GALNT18: variants seen among roughly 807,000 people sequenced by gnomAD.
GALNT18 encodes the protein polypeptide N-acetylgalactosaminyltransferase 18, also known as GalNAc-transferase 18.
A neutral mutation model predicts 69.5 loss-of-function variants in GALNT18; 44 were observed. The observed-to-expected ratio is 0.63, with a 90% CI of 0.50 to 0.81. The LOEUF is 0.81. Among genes scored for constraint, GALNT18 ranks in the 40% least tolerant of loss-of-function variants. The pLI, the probability that GALNT18 is intolerant of heterozygous loss-of-function variation, is 0.00. For synonymous variants in GALNT18, 364 were observed against 318.2 expected (o/e 1.14, Z -1.53); for missense variants, 715 against 810.0 (o/e 0.88, Z 1.42).
chr11:11,278,395 A>C (rs577403923), intron 10 of GALNT18, among the ~76,000 whole-genome samples: 1 of 151,736 alleles, frequency 6.6e-6, no homozygotes, highest in Admixed American at 6.6e-5. Flanking sequence ...GGATAGCGTT[A>C]GGAGAAATAC....
At chr11:11,363,637 A>T (rs1035173687) in intron 6 of GALNT18, among the ~76,000 whole-genome samples, 1 of 152,220 alleles carries the variant, frequency 6.6e-6, no homozygotes, top group East Asian at 1.9e-4. Flanking sequence ...AATGAGAAAG[A>T]TCATCATGAA....
At chr11:11,391,984 A>G (rs1351423851) in intron 3 of GALNT18, among the ~76,000 whole-genome samples, 2 of 152,252 alleles carry the variant, frequency 1.3e-5, no homozygotes, top group Non-Finnish European at 2.9e-5. Context: ...CATTGCAAGA[A>G]TGAATGAGTG....
intron 3 of GALNT18, among the ~76,000 whole-genome samples, chr11:11,412,782 C>T (rs1295384843): frequency 1.3e-5 from 2 of 152,210 alleles, no homozygotes; most frequent in Non-Finnish European, 2.9e-5. Context: ...TGCTAACCAT[C>T]CTCCTTACTC....
chr11:11,561,560 G>C (rs988323831), intron 1 of GALNT18, among the ~76,000 whole-genome samples: 10 of 152,220 alleles, frequency 6.6e-5, no homozygotes, highest in Admixed American at 2.0e-4. Flanking sequence ...ATGCCTAGCA[G>C]AGTCAGCTAA....
At position 11,341,373 on chromosome 11, in the gene GALNT18, C is replaced by T. The variant is rs930652529; in HGVS notation, c.1093-369G>A. Among the ~76,000 whole-genome samples, 1 of 152,158 alleles carries T rather than the reference C, an allele frequency of 6.6e-6. No individual in the cohort carries two copies. The highest frequency in any genetic ancestry group is 2.4e-5 in the African/African-American group (1 of 41,446). On this transcript the variant is annotated intron_variant, in intron 6 of 10. Coordinates refer to ENST00000227756, the MANE Select transcript of GALNT18 (RefSeq NM_198516.3). The surrounding 1 kb of genome is among the most constrained non-coding windows in gnomAD (Gnocchi z 6.3). Reference sequence around the variant, plus strand: ...TAACAAAACCCTTGATGATAGTCTGCAGCAGTGGTTGACATAAAGGAGAAC... The same window carrying T: ...TAACAAAACCCTTGATGATAGTCTGTAGCAGTGGTTGACATAAAGGAGAAC...
At chr11:11,516,589 C>A (rs1857282048) in intron 1 of GALNT18, among the ~76,000 whole-genome samples, 1 of 152,138 alleles carries the variant, frequency 6.6e-6, no homozygotes, top group African/African-American at 2.4e-5. Context: ...CCAGATGACA[C>A]CATTGAACTC....
At position 11,541,979 on chromosome 11, in the gene GALNT18, AC is replaced by A. The variant is rs774043284; in HGVS notation, c.235+79379del. 1.1e-4 allele frequency among the ~76,000 whole-genome samples: 16 copies of A among 152,032 alleles called. No homozygotes were observed. Among genetic ancestry groups the A allele is most frequent in the Non-Finnish European group, 1.8e-4 (12 of 67,962 alleles). On this transcript the variant is annotated intron_variant, in intron 1 of 10. Transcript: ENST00000227756. This position sits in a 1 kb window ranked among gnomAD's most constrained non-coding sequence, Gnocchi z 4.8. ...ACGAGCCAAACCCAGGAGGAGCTTC[AC>A]CCCCACCCTTCAGAAGACCCCAGAG...
chr11:11,500,284 G>T lies in GALNT18; in HGVS notation c.236-51348C>A, dbSNP rs1285378947. Among the ~76,000 whole-genome samples the T allele has an allele frequency of 6.6e-6, 1 of 152,206 alleles. No individual in the cohort carries two copies. Among genetic ancestry groups the T allele is most frequent in the African/African-American group, 2.4e-5 (1 of 41,448 alleles). On this transcript the variant is annotated intron_variant, in intron 1 of 10. Coordinates refer to ENST00000227756, the MANE Select transcript of GALNT18 (RefSeq NM_198516.3). This position sits in a 1 kb window ranked among gnomAD's most constrained non-coding sequence, Gnocchi z 5.0. ...AACCTGCAGGAGGCTGGCCTCCCGGGAGTCCCTAATACTGGCGGACAGAGA... is the reference window on the plus strand; with the variant it reads ...AACCTGCAGGAGGCTGGCCTCCCGGTAGTCCCTAATACTGGCGGACAGAGA...
At position 11,344,010 on chromosome 11, in the gene GALNT18, A is replaced by T. The variant is rs552845514; in HGVS notation, c.1093-3006T>A. Among the ~76,000 whole-genome samples the T allele has an allele frequency of 2.0e-5, 3 of 152,182 alleles. No homozygotes were observed. The South Asian group carries it at 6.2e-4, about 32-fold the overall frequency. ...CATCATCTCTCATTTGGACTCTGCCACAGACTCCAAACACCTGACCTCCCT... is the reference window on the plus strand; with the variant it reads ...CATCATCTCTCATTTGGACTCTGCCTCAGACTCCAAACACCTGACCTCCCT... On this transcript the variant is annotated intron_variant, in intron 6 of 10. Coordinates refer to ENST00000227756, the MANE Select transcript of GALNT18 (RefSeq NM_198516.3).
In GALNT18 at chr11:11,588,306, C is replaced by G. The variant is rs543153175; in HGVS notation, c.235+33053G>C. On this transcript the variant is annotated intron_variant, in intron 1 of 10. Coordinates refer to ENST00000227756, the MANE Select transcript of GALNT18 (RefSeq NM_198516.3). ...TTTTGTAGGCAGAACTACATCTCCC[C>G]CTTTGCATGCCTCCAGTCACCTAGC... 2.7e-4 allele frequency among the ~76,000 whole-genome samples: 41 copies of G among 152,266 alleles called. 1 individual carries two copies. The highest frequency in any genetic ancestry group is 9.6e-4 in the African/African-American group (40 of 41,536).
At chr11:11,533,076 GC>G (rs1857690346) in intron 1 of GALNT18, among the ~76,000 whole-genome samples, 1 of 151,892 alleles carries the variant, frequency 6.6e-6, no homozygotes, top group Admixed American at 6.6e-5. Context: ...GCATTGCCCT[GC>G]CCACCCCCAT....
At position 11,273,526 on chromosome 11, in the gene GALNT18, C is replaced by T. The variant is rs150676755; in HGVS notation, c.1678-2236G>A. ...TCACCCCAGTTAAAATGGCTTTAACCGAAAGACAGGCAATAATAAATGCTG... is the reference window on the plus strand; with the variant it reads ...TCACCCCAGTTAAAATGGCTTTAACTGAAAGACAGGCAATAATAAATGCTG... On this transcript the variant is annotated intron_variant, in intron 10 of 10. Coordinates refer to ENST00000227756, the MANE Select transcript of GALNT18 (RefSeq NM_198516.3). Among the ~76,000 whole-genome samples, 522 of 152,070 alleles carry T rather than the reference C, an allele frequency of 3.4e-3. 6 individuals carry two copies. Among genetic ancestry groups the T allele is most frequent in the African/African-American group, 0.011 (459 of 41,474 alleles).
intron 1 of GALNT18, among the ~76,000 whole-genome samples, chr11:11,453,064 G>A (rs1047192020): frequency 6.6e-6 from 1 of 152,182 alleles, no homozygotes; most frequent in Non-Finnish European, 1.5e-5. Context: ...GCTTGTCTGG[G>A]TCCCAGGGAG....
chr11:11,444,392 G>A lies in GALNT18; in HGVS notation c.428+4352C>T, dbSNP rs1055492948. 1.2e-4 allele frequency among the ~76,000 whole-genome samples: 19 copies of A among 152,296 alleles called. No homozygotes were observed. The highest frequency in any genetic ancestry group is 4.6e-4 in the African/African-American group (19 of 41,572). On this transcript the variant is annotated intron_variant, in intron 2 of 10. Transcript: ENST00000227756. The surrounding 1 kb of genome is among the most constrained non-coding windows in gnomAD (Gnocchi z 4.4). Reference sequence around the variant, plus strand: ...AGCCTGGGAAATGGTCAGCAGACTCGCCCTCCCACCAACCTCTGTCTGGGT... The same window carrying A: ...AGCCTGGGAAATGGTCAGCAGACTCACCCTCCCACCAACCTCTGTCTGGGT...
chr11:11,317,672 C>T (rs1260418020), intron 9 of GALNT18, among the ~76,000 whole-genome samples: 1 of 152,138 alleles, frequency 6.6e-6, no homozygotes, highest in African/African-American at 2.4e-5. Flanking sequence ...ATATTTTCTC[C>T]CATTCCGTAG....
At chr11:11,599,834 G>T (rs114814594) in intron 1 of GALNT18, among the ~76,000 whole-genome samples, 1,882 of 151,890 alleles carry the variant, frequency 0.012, 46 homozygotes, top group African/African-American at 0.043. Context: ...TTTGATATAT[G>T]AATACATTGT....
chr11:11,564,530 G>A lies in GALNT18; in HGVS notation c.235+56829C>T, dbSNP rs1858596291. Reference sequence around the variant, plus strand: ...TGCATTTTATCTGCCTTATTTGAGGGCTGAAAGAGTCATTTGCCTCAAAGG... The same window carrying A: ...TGCATTTTATCTGCCTTATTTGAGGACTGAAAGAGTCATTTGCCTCAAAGG... On this transcript the variant is annotated intron_variant, in intron 1 of 10. Transcript: ENST00000227756. This position sits in a 1 kb window ranked among gnomAD's most constrained non-coding sequence, Gnocchi z 4.3. Among the ~76,000 whole-genome samples, 2 of 152,264 alleles carry A rather than the reference G, an allele frequency of 1.3e-5. No individual in the cohort carries two copies. The highest frequency in any genetic ancestry group is 4.2e-4 in the South Asian group (2 of 4,816).
rs1466042315 is a variant in GALNT18, at chr11:11,620,776, C to A, written c.235+583G>T. Among the ~76,000 whole-genome samples the A allele has an allele frequency of 6.6e-6, 1 of 152,166 alleles. No homozygotes were observed. Among genetic ancestry groups the A allele is most frequent in the Non-Finnish European group, 1.5e-5 (1 of 68,028 alleles). On this transcript the variant is annotated intron_variant, in intron 1 of 10. Coordinates refer to ENST00000227756, the MANE Select transcript of GALNT18 (RefSeq NM_198516.3). The surrounding 1 kb of genome is among the most constrained non-coding windows in gnomAD (Gnocchi z 6.9). The stretch of plus-strand genomic sequence containing the variant: ...GCTATAGGTTCAAGCGGCTTTTCAA[C>A]CACAGAGGGCTCCTTGCATTCCCTA...
At chr11:11,457,478 G>A (rs1855948879) in intron 1 of GALNT18, among the ~76,000 whole-genome samples, 1 of 152,218 alleles carries the variant, frequency 6.6e-6, no homozygotes. Flanking sequence ...TTGGATTGGA[G>A]GACAAGGGAA....
Sources: allele counts gnomAD v4.1 joint callset (sites outside exome capture counted in the v4.1 genomes callset), GRCh38; gene constraint gnomAD v4.1.1; non-coding constraint Gnocchi (gnomAD v3.1); transcripts MANE v1.5; gene names NCBI Gene and HGNC (gene_info 2026-07-23, HGNC 2026-07-21).